POFUT4: variants seen among roughly 807,000 people sequenced by gnomAD.
POFUT4 encodes the protein GDP-fucose protein O-fucosyltransferase 4.
chr10:73,774,347 A>T, the POFUT4 span: 1 of 152,158 alleles, frequency 6.6e-6, no homozygotes, highest in African/African-American at 2.4e-5. Flanking sequence ...AGCCCCATGT[A>T]GTTGGTGCAG....
the POFUT4 span, chr10:73,773,170 C>T: frequency 5.0e-6 from 8 of 1,591,208 alleles, no homozygotes; most frequent in African/African-American, 2.7e-5. Flanking sequence ...CTCATGACAG[C>T]CTTACTGTAC....
the POFUT4 span, chr10:73,773,763 C>T: frequency 1.9e-5 from 30 of 1,606,204 alleles, no homozygotes; most frequent in African/African-American, 3.7e-4. Flanking sequence ...CATGGACTGC[C>T]CAGTGCCCAC....
At chr10:73,775,822 T>C in the POFUT4 span, 1 of 915,780 alleles carries the variant, frequency 1.1e-6, no homozygotes, top group Non-Finnish European at 1.7e-6. Flanking sequence ...TTTTATCTAT[T>C]AAGATTTTAT....
chr10:73,776,843 C>T, the POFUT4 span, among the ~76,000 whole-genome samples: 1 of 152,128 alleles, frequency 6.6e-6, no homozygotes, highest in East Asian at 1.9e-4. Flanking sequence ...CCACGCCCAG[C>T]TAATTTTTTG....
chr10:73,776,751 G>C, the POFUT4 span, among the ~76,000 whole-genome samples: 152,342 of 152,342 alleles, frequency 1, 76,171 homozygotes, highest in Non-Finnish European at 1. Context: ...ATGATCTCGG[G>C]TCACTGCAAC....
the POFUT4 span, chr10:73,772,963 G>A: frequency 3.7e-6 from 6 of 1,604,854 alleles, no homozygotes; most frequent in Non-Finnish European, 5.1e-6. Context: ...GCTACGCGCC[G>A]CTGCTCTATC....
chr10:73,773,407 C>T, the POFUT4 span: 4 of 1,614,228 alleles, frequency 2.5e-6, no homozygotes, highest in South Asian at 1.1e-5. Flanking sequence ...CGCGGTTCTC[C>T]CTCTGTGAGG....
the POFUT4 span, chr10:73,772,909 C>T: frequency 9.3e-6 from 15 of 1,611,428 alleles, no homozygotes; most frequent in Non-Finnish European, 1.2e-5. Context: ...ATCTGCGCCG[C>T]CCGGTGCCTC....
the POFUT4 span, chr10:73,772,783 C>G: frequency 1.2e-6 from 2 of 1,610,752 alleles, no homozygotes; most frequent in Non-Finnish European, 1.7e-6. Context: ...AGGAGTCGCC[C>G]CTCAACAACT....
chr10:73,775,680 C>A, the POFUT4 span: 1 of 1,614,056 alleles, frequency 6.2e-7, no homozygotes. Flanking sequence ...GAGGCAACAT[C>A]TCTAAGTGCC....
the POFUT4 span, chr10:73,773,203 G>A: frequency 1.2e-6 from 2 of 1,610,976 alleles, no homozygotes; most frequent in Non-Finnish European, 1.7e-6. Flanking sequence ...GACTCCTACG[G>A]GAAATGCCTG....
At chr10:73,779,829 C>A in the POFUT4 span, 1 of 152,190 alleles carries the variant, frequency 6.6e-6, no homozygotes, top group Non-Finnish European at 1.5e-5. Context: ...CATACTTTTA[C>A]GTATAAAGTG....
At chr10:73,773,350 C>G in the POFUT4 span, 1 of 1,614,174 alleles carries the variant, frequency 6.2e-7, no homozygotes, top group Non-Finnish European at 8.5e-7. Flanking sequence ...GACTACATGA[C>G]AGAAAAACTG....
At chr10:73,773,683 C>T in the POFUT4 span, 1 of 1,614,232 alleles carries the variant, frequency 6.2e-7, no homozygotes, top group Non-Finnish European at 8.5e-7. Context: ...CGGCTGGATG[C>T]CGAGAAAGCC....
chr10:73,772,833 T>C, the POFUT4 span: 1 of 1,612,312 alleles, frequency 6.2e-7, no homozygotes, highest in Non-Finnish European at 8.5e-7. Flanking sequence ...CTCTTCAATC[T>C]TACCTCCACC....
chr10:73,778,691 C>G, the POFUT4 span: 1 of 152,174 alleles, frequency 6.6e-6, no homozygotes. Context: ...ATACTGACAT[C>G]TAAGGATGCG....
At chr10:73,777,897 T>C in the POFUT4 span, among the ~76,000 whole-genome samples, 1 of 140,202 alleles carries the variant, frequency 7.1e-6, no homozygotes, top group African/African-American at 2.7e-5. Flanking sequence ...TCTCACTCCA[T>C]CACCAAGGCT....
the POFUT4 span, chr10:73,779,213 G>A: frequency 6.5e-6 from 1 of 152,752 alleles, no homozygotes; most frequent in African/African-American, 2.4e-5. Context: ...TATGCTGTGA[G>A]TGCGCCTATG....
the POFUT4 span, chr10:73,775,400 C>T: frequency 6.2e-7 from 1 of 1,604,856 alleles, no homozygotes; most frequent in Non-Finnish European, 8.5e-7. Flanking sequence ...ATTTACTTCA[C>T]TTTGTCTTCC....
Sources: gnomAD v4.1 joint callset for allele counts (sites outside exome capture counted in the v4.1 genomes callset) on GRCh38, gnomAD v4.1.1 for gene constraint, MANE v1.5 for transcripts, NCBI Gene and HGNC (gene_info 2026-07-23, HGNC 2026-07-21) for gene names.